Variants in HNRNPH1 observed in about 807,000 individuals in gnomAD.
The protein encoded by HNRNPH1 is heterogeneous nuclear ribonucleoprotein H1.
HNRNPH1 carries 4 observed loss-of-function variants against 58.6 expected under a neutral mutation model. The observed-to-expected ratio is 0.07, with a 90% CI of 0.03 to 0.16. The LOEUF is 0.16. HNRNPH1 is among the 10% of genes least tolerant of loss of function. The pLI, the probability that HNRNPH1 is intolerant of heterozygous loss-of-function variation, is 1.00. For missense variants in HNRNPH1, 271 were observed against 564.2 expected (o/e 0.48, Z 5.26); for synonymous variants, 192 against 189.2 (o/e 1.01, Z -0.12).
At chr5:179,621,502 T>G (rs1772294095) in intron 1 of HNRNPH1, 105 bp from the exon 3 acceptor site, 2 of 963,702 alleles carry the variant, frequency 2.1e-6, no homozygotes, top group Non-Finnish European at 3.2e-6. Flanking sequence ...TTACATAACT[T>G]GTGAAGCCTA....
chr5:179,623,002 C>A (rs1162488801), intron 1 of HNRNPH1, 35 bp downstream of exon 2: 4 of 1,036,314 alleles, frequency 3.9e-6, no homozygotes, highest in Non-Finnish European at 5.2e-6. Context: ...GCCCCGGCCT[C>A]GAACTCGAAC....
At chr5:179,617,441 T>C (rs1339262238) in intron 8 of HNRNPH1, 73 bp downstream of exon 9, 1 of 1,503,476 alleles carries the variant, frequency 6.7e-7, no homozygotes, top group African/African-American at 1.4e-5. Flanking sequence ...ATCCTTATTT[T>C]TCCATTTCTC....
chr5:179,623,554 G>A (rs1444251617), exon 1 of HNRNPH1: 4 of 168,288 alleles, frequency 2.4e-5, no homozygotes, highest in South Asian at 2.2e-4. Flanking sequence ...GGCCCTCCCA[G>A]AGATATGGGG....
exon 7 of HNRNPH1, chr5:179,617,808 G>A: frequency 2.5e-6 from 4 of 1,613,784 alleles, no homozygotes; most frequent in Non-Finnish European, 3.4e-6. Context: ...CATTATAAAT[G>A]TCATTCTCAG....
Position 179,617,121 on chromosome 5 carries a change from A to G in HNRNPH1, c.1058-11T>C, listed in dbSNP as rs1562231750. ...CTACATATCTGTGTTCTGAAATGAG[A>G]AAAAAAAAGTTTGAAAATGTTTGTT... On this transcript the variant is annotated splice_polypyrimidine_tract_variant and intron_variant, in intron 8 of 12. Transcript: ENST00000356731. 6.2e-7 allele frequency: 1 copy of G among 1,602,254 alleles called. No homozygotes were observed. The highest frequency in any genetic ancestry group is 1.1e-5 in the South Asian group (1 of 89,402).
chr5:179,632,083 G>A (rs1774877715), intron 2 of HNRNPH1, among the ~76,000 whole-genome samples: 1 of 152,014 alleles, frequency 6.6e-6, no homozygotes, highest in Non-Finnish European at 1.5e-5. Context: ...GAGGCGGGCG[G>A]ATCACGAGGT....
chr5:179,631,314 G>A (rs1307879030), intron 2 of HNRNPH1, among the ~76,000 whole-genome samples: 1 of 152,070 alleles, frequency 6.6e-6, no homozygotes, highest in Non-Finnish European at 1.5e-5. Context: ...AAAAAAAGTT[G>A]AGAAAAAATG....
chr5:179,616,066 T>C (rs1400485181), intron 11 of HNRNPH1, 60 bp downstream of exon 12: 9 of 1,375,362 alleles, frequency 6.5e-6, no homozygotes, highest in Non-Finnish European at 9.3e-6. Flanking sequence ...TTACTCTAAG[T>C]ACAGTAATGA....
chr5:179,621,827 C>A (rs976730207), intron 1 of HNRNPH1: 2 of 390,580 alleles, frequency 5.1e-6, no homozygotes, highest in Non-Finnish European at 1.0e-5. Context: ...ATTCAAATTA[C>A]AAGCCCAATA....
exon 4 of HNRNPH1, chr5:179,619,329 A>T: frequency 6.2e-7 from 1 of 1,613,448 alleles, no homozygotes; most frequent in Non-Finnish European, 8.5e-7. Context: ...CTGTGAAGCA[A>T]ACTGCACGAA....
At chr5:179,614,632 T>C (rs1768563614) in exon 13 of HNRNPH1, 1 of 415,842 alleles carries the variant, frequency 2.4e-6, no homozygotes, top group South Asian at 3.8e-5. Flanking sequence ...TTAACAGTTA[T>C]AGTTTACTCA....
chr5:179,626,699 G>C (rs1313593064), upstream of HNRNPH1, among the ~76,000 whole-genome samples: 5 of 145,068 alleles, frequency 3.4e-5, no homozygotes, highest in Non-Finnish European at 6.0e-5. Flanking sequence ...CTGGGCAACA[G>C]AGCAGGACTC....
At chr5:179,633,226 A>G (rs1459112335) in intron 2 of HNRNPH1, among the ~76,000 whole-genome samples, 3 of 151,740 alleles carry the variant, frequency 2.0e-5, no homozygotes, top group South Asian at 2.1e-4. Context: ...TCCAGAGATC[A>G]GGTAATCCGC....
chr5:179,614,511 A>C, exon 13 of HNRNPH1: 1 of 174,392 alleles, frequency 5.7e-6, no homozygotes, highest in South Asian at 1.4e-4. Context: ...AACAGTGTTC[A>C]ATTTAACGTG....
intron 1 of HNRNPH1, among the ~76,000 whole-genome samples, chr5:179,622,352 A>C (rs1772862293): frequency 6.6e-6 from 1 of 152,228 alleles, no homozygotes; most frequent in African/African-American, 2.4e-5. Flanking sequence ...TTATTTGTCT[A>C]ATCACTCGGC....
At chr5:179,633,656 T>C (rs1378965099) in intron 2 of HNRNPH1, among the ~76,000 whole-genome samples, 3 of 152,064 alleles carry the variant, frequency 2.0e-5, no homozygotes, top group Non-Finnish European at 2.9e-5. Flanking sequence ...GGCTCATGCC[T>C]GCAATATTAG....
rs759984048 is a variant in HNRNPH1 at position 179,620,896 on chromosome 5, G to A, written c.393C>T (p.Phe131=). 3.7e-6 allele frequency: 6 copies of A among 1,613,924 alleles called. No individual in the cohort carries two copies. In the South Asian group the frequency reaches 5.5e-5, roughly 15 times the overall value. Reference sequence around the variant, plus strand: ...GCAACAAACATGACTACATACCTGAGAAGAACTGAACAATTTCTTCCTTGC... The same window carrying A: ...GCAACAAACATGACTACATACCTGAAAAGAACTGAACAATTTCTTCCTTGC... Residue 131 remains phenylalanine (F), a synonymous_variant, in exon 3 of 13, where the codon TTC becomes TTT. Coordinates refer to ENST00000356731, the Ensembl canonical transcript of HNRNPH1.
In HNRNPH1 at chr5:179,622,191, G is replaced by T. The variant is rs1581717885; in HGVS notation, c.98-794C>A. Among the ~76,000 whole-genome samples the T allele has an allele frequency of 2.6e-5, 4 of 152,150 alleles. No individual in the cohort carries two copies. In the South Asian group the frequency reaches 8.3e-4, roughly 32 times the overall value. ...GTATAGTGAGCCAGATTAAGAACTA[G>T]ATAAGAAAACACTCTTCAATTATCA... is the stretch of plus-strand genomic sequence containing the variant. On this transcript the variant is annotated intron_variant, in intron 1 of 12. Transcript: ENST00000356731.
At chr5:179,631,753 A>T (rs531329240) in intron 2 of HNRNPH1, among the ~76,000 whole-genome samples, 39 of 150,986 alleles carry the variant, frequency 2.6e-4, no homozygotes, top group South Asian at 6.3e-4. Context: ...AAAAAAAAAA[A>T]TTTTTTTTTT....
Sources: allele counts gnomAD v4.1 joint callset (sites outside exome capture counted in the v4.1 genomes callset), GRCh38; gene constraint gnomAD v4.1.1; transcripts MANE v1.5; gene names NCBI Gene and HGNC (gene_info 2026-07-23, HGNC 2026-07-21).